F11: variants seen among roughly 807,000 people sequenced by gnomAD.
F11 encodes coagulation factor XI, also known as coagualtion factor XI.
F11 carries 78 observed loss-of-function variants against 76.5 expected under a neutral mutation model. The ratio of observed to expected loss-of-function variants is 1.02; its 90% CI spans 0.85 to 1.23. The LOEUF (loss-of-function observed/expected upper bound fraction) is 1.23. Among genes scored for constraint, F11 ranks in the 50% most tolerant of loss-of-function variants. The probability of loss-of-function intolerance (pLI) is 0.00; values close to 1 mark genes in which losing one functional copy is unlikely to be tolerated. For synonymous variants in F11, 278 were observed against 276.3 expected (o/e 1.01, Z -0.06); for missense variants, 742 against 771.4 (o/e 0.96, Z 0.45).
intron 3 of F11, among the ~76,000 whole-genome samples, chr4:186,272,349 A>T (rs543602792): frequency 6.6e-6 from 1 of 152,310 alleles, no homozygotes; most frequent in East Asian, 1.9e-4. Context: ...AGACATACGA[A>T]ATTTAACAAG....
chr4:186,278,758 GAAGAGAGGTTT>G lies in F11; in HGVS notation c.756-1252_756-1242del, dbSNP rs539611802. ...CAACTGGAAATAGAAGTCAAATTCAGAAGAGAGGTTTATGTGGACATCTGTGTTTAGGTGTC... is the reference window on the plus strand; with the variant it reads ...CAACTGGAAATAGAAGTCAAATTCAGATGTGGACATCTGTGTTTAGGTGTC... On this transcript the variant is annotated intron_variant, in intron 7 of 14. Transcript: ENST00000403665. 2.4e-4 allele frequency among the ~76,000 whole-genome samples: 36 copies of G among 152,348 alleles called. 1 individual carries two copies. The South Asian group carries it at 6.0e-3, about 25-fold the overall frequency.
At chr4:186,273,303 T>C (rs1214739927) in intron 4 of F11, 126 bp downstream of exon 4, 2 of 792,330 alleles carry the variant, frequency 2.5e-6, no homozygotes, top group Admixed American at 3.9e-5. Flanking sequence ...AATGAAGTTC[T>C]TTCAGTGTAG....
At position 186,288,902 on chromosome 4, in the gene F11, C is replaced by A; in HGVS notation, c.*288C>A. 2.6e-6 allele frequency: 1 copy of A among 387,332 alleles called. No homozygotes were observed. Among genetic ancestry groups the A allele is most frequent in the Non-Finnish European group, 4.9e-6 (1 of 203,974 alleles). The allele number at this position is 387,332 out of a possible 1,614,324, so 24.0% of individuals were successfully genotyped here. ...ATATTTCTGAAGATTACTATATAGG[C>A]AGATATAGCAGAAAATAACCAAGTA... On this transcript the variant is annotated 3_prime_UTR_variant, in exon 15 of 15. Coordinates refer to ENST00000403665, the MANE Select transcript of F11 (RefSeq NM_000128.4).
rs753909969 is a variant in F11 at position 186,284,244 on chromosome 4, G to A, written c.1288G>A (p.Ala430Thr). 2.2e-5 allele frequency: 35 copies of A among 1,613,826 alleles called. No homozygotes were observed. In the Admixed American group the frequency reaches 4.2e-4, roughly 19 times the overall value. Residue 430 changes from alanine (A) to threonine (T), a missense_variant, in exon 11 of 15, where the codon GCT becomes ACT. By Grantham distance (58) the Ala-to-Thr change is moderately conservative. Transcript: ENST00000403665. The stretch of plus-strand genomic sequence containing the variant: ...TGGAAACCAGTGGATATTAACAGCC[G>A]CTCACTGTTTCTATGGGTCAGTACC... ...IIGNQWILTA[A>T]HCFYGVESPK...
chr4:186,280,676 G>C (rs942600483), intron 10 of F11, 96 bp downstream of exon 10: 1 of 1,078,950 alleles, frequency 9.3e-7, no homozygotes, highest in Non-Finnish European at 1.4e-6. Context: ...ACAGAAGGGA[G>C]AACATTCAGG....
At chr4:186,267,231 A>G (rs752804144) in intron 2 of F11, 40 bp downstream of exon 2, 5 of 1,157,600 alleles carry the variant, frequency 4.3e-6, no homozygotes, top group South Asian at 2.4e-5. Flanking sequence ...TGGGAGAGGG[A>G]AATCACACTG....
intron 7 of F11, among the ~76,000 whole-genome samples, chr4:186,278,699 C>T (rs934501208): frequency 2.0e-5 from 3 of 152,114 alleles, no homozygotes; most frequent in African/African-American, 7.2e-5. Context: ...AGAAGCAATG[C>T]CCTTGGCTCA....
At position 186,286,530 on chromosome 4, in the gene F11, A is replaced by G; in HGVS notation, c.1576+20A>G. 1 of 1,612,648 alleles carries G rather than the reference A, an allele frequency of 6.2e-7. No homozygotes were observed. The highest frequency in any genetic ancestry group is 8.5e-7 in the Non-Finnish European group (1 of 1,179,118). On this transcript the variant is annotated intron_variant, in intron 13 of 14. Coordinates refer to ENST00000403665, the MANE Select transcript of F11 (RefSeq NM_000128.4). ...TAAGAGGTAAAAATGATGTTGTTATATGTGCTCCATCCTAGAAATGAAGAG... is the reference window on the plus strand; with the variant it reads ...TAAGAGGTAAAAATGATGTTGTTATGTGTGCTCCATCCTAGAAATGAAGAG...
Position 186,280,054 on chromosome 4 carries a change from T to C in F11, c.798T>C (p.Ser266=). The C allele has an allele frequency of 6.2e-7, 1 of 1,614,198 alleles. No individual in the cohort carries two copies. Among genetic ancestry groups the C allele is most frequent in the African/African-American group, 1.3e-5 (1 of 75,052 alleles). The change falls in exon 8 of 15, where the codon AGT becomes AGC. Residue 266 remains serine, a synonymous_variant. Transcript: ENST00000403665. ...LLKTSESGLP[S]TRIKKSKALS... ...AAACATCTGAGAGTGGATTGCCCAG[T>C]ACACGCATTAAAAAGAGCAAAGCTC...
At chr4:186,287,598 A>T (rs1452067409) in intron 13 of F11, 86 bp from the exon 14 acceptor site, 1 of 495,156 alleles carries the variant, frequency 2.0e-6, no homozygotes. Flanking sequence ...AAAAATATAT[A>T]TATATATATA....
intron 5 of F11, chr4:186,275,087 T>G (rs568000138): frequency 3.7e-5 from 16 of 431,068 alleles, no homozygotes; most frequent in Admixed American, 3.6e-4. Context: ...GTAAGGCTTA[T>G]CTTTAGCTCA....
At chr4:186,271,062 G>A (rs1049146424) in intron 2 of F11, among the ~76,000 whole-genome samples, 3 of 152,068 alleles carry the variant, frequency 2.0e-5, no homozygotes, top group African/African-American at 7.2e-5. Flanking sequence ...CTTCTTAAAA[G>A]TACTATTTTA....
intron 11 of F11, among the ~76,000 whole-genome samples, chr4:186,285,014 G>A (rs2126776612): frequency 6.6e-6 from 1 of 152,216 alleles, no homozygotes; most frequent in East Asian, 1.9e-4. Flanking sequence ...CCTTACTTAG[G>A]TCACTTTCAG....
intron 13 of F11, among the ~76,000 whole-genome samples, chr4:186,287,321 C>T (rs973810366): frequency 2.0e-5 from 3 of 151,696 alleles, no homozygotes; most frequent in Non-Finnish European, 4.4e-5. Flanking sequence ...TGGTGGCTCA[C>T]GCCTGTAATC....
intron 3 of F11, chr4:186,272,862 A>G (rs558427961): frequency 1.0e-5 from 5 of 500,956 alleles, no homozygotes; most frequent in South Asian, 9.5e-5. Flanking sequence ...GTTTGTTCCT[A>G]TTAGAAAGGA....
intron 2 of F11, among the ~76,000 whole-genome samples, chr4:186,269,722 C>T (rs968858227): frequency 1.3e-5 from 2 of 152,174 alleles, no homozygotes; most frequent in African/African-American, 4.8e-5. Flanking sequence ...TGCCACAGAA[C>T]TGTACACTCA....
At chr4:186,283,397 C>A (rs755444972) in intron 10 of F11, among the ~76,000 whole-genome samples, 2 of 152,184 alleles carry the variant, frequency 1.3e-5, no homozygotes, top group African/African-American at 2.4e-5. Flanking sequence ...GTCTAGGCAG[C>A]CCCAAGAGAA....
In F11 at chr4:186,280,108, G is replaced by C. The variant is rs745814397; in HGVS notation, c.852G>C (p.Arg284Ser). ...CTGGTTTCAGTCTACAAAGCTGCAGGCACAGCATCCCAGGTAAACTGAGAG... is the reference window on the plus strand; with the variant it reads ...CTGGTTTCAGTCTACAAAGCTGCAGCCACAGCATCCCAGGTAAACTGAGAG... ...ALSGFSLQSCRHSIPVFCHSS... is the reference protein window; with the variant it reads ...ALSGFSLQSCSHSIPVFCHSS... Residue 284 changes from arginine to serine, a missense_variant, in exon 8 of 15, where the codon AGG becomes AGC. Coordinates refer to ENST00000403665, the MANE Select transcript of F11 (RefSeq NM_000128.4). 1.2e-5 allele frequency: 19 copies of C among 1,613,988 alleles called. No individual in the cohort carries two copies. The highest frequency in any genetic ancestry group is 1.3e-5 in the African/African-American group (1 of 74,896).
At chr4:186,267,300 T>G in intron 2 of F11, 109 bp downstream of exon 2, 3 of 834,096 alleles carry the variant, frequency 3.6e-6, no homozygotes. Context: ...AAATAAAATG[T>G]TTTTATTAAC....
Sources: gnomAD v4.1 joint callset for allele counts (sites outside exome capture counted in the v4.1 genomes callset) on GRCh38, gnomAD v4.1.1 for gene constraint, MANE v1.5 for transcripts, NCBI Gene and HGNC (gene_info 2026-07-23, HGNC 2026-07-21) for gene names.